Variants in FGF14 observed in about 807,000 individuals in gnomAD.
FGF14 encodes fibroblast growth factor 14, also known as fibroblast growth factor homologous factor 4.
A neutral mutation model predicts 25.5 loss-of-function variants in FGF14; 5 were observed. That is an observed-to-expected ratio of 0.20 (90% CI 0.10 to 0.41). The LOEUF (loss-of-function observed/expected upper bound fraction) is 0.41, where lower values mean the gene tolerates loss of function less well. Ranked by LOEUF, FGF14 falls within the 10% of genes least tolerant of loss-of-function variation. FGF14 has a pLI of 1.00. For synonymous variants in FGF14, 138 were observed against 118.3 expected (o/e 1.17, Z -1.08); for missense variants, 222 against 320.1 (o/e 0.69, Z 2.34).
chr13:101,824,345 G>A (rs1389527547), intron 3 of FGF14, among the ~76,000 whole-genome samples: 2 of 152,108 alleles, frequency 1.3e-5, no homozygotes, highest in African/African-American at 2.4e-5. Context: ...GCGCGTGCAC[G>A]CTTACCATTC....
intron 1 of FGF14, among the ~76,000 whole-genome samples, chr13:102,193,450 C>T (rs1167165847): frequency 3.3e-5 from 5 of 152,168 alleles, no homozygotes; most frequent in Non-Finnish European, 5.9e-5. Flanking sequence ...AGGCAACACA[C>T]ATGTGCAGGA....
chr13:102,256,669 T>A (rs374982448), intron 1 of FGF14, among the ~76,000 whole-genome samples: 29 of 152,314 alleles, frequency 1.9e-4, no homozygotes, highest in African/African-American at 6.7e-4. Flanking sequence ...AGAACTTACT[T>A]CCTCCACAAG....
chr13:101,953,647 A>T (rs111383454), intron 1 of FGF14, among the ~76,000 whole-genome samples: 2 of 150,916 alleles, frequency 1.3e-5, no homozygotes, highest in African/African-American at 4.9e-5. Context: ...CTGGAGTACA[A>T]TGGCGCAATC....
chr13:102,378,351 A>C (rs2058089404), intron 1 of FGF14, among the ~76,000 whole-genome samples: 1 of 152,204 alleles, frequency 6.6e-6, no homozygotes, highest in Non-Finnish European at 1.5e-5. Context: ...CTGTAAACCA[A>C]AAACTGCTCC....
chr13:102,013,516 A>G (rs2139815600), intron 1 of FGF14, among the ~76,000 whole-genome samples: 1 of 152,286 alleles, frequency 6.6e-6, no homozygotes, highest in African/African-American at 2.4e-5. Flanking sequence ...CTCGCTATGG[A>G]GCTGTTTAAG....
chr13:101,825,846 T>C (rs1248269292), intron 3 of FGF14, among the ~76,000 whole-genome samples: 1 of 152,102 alleles, frequency 6.6e-6, no homozygotes, highest in Non-Finnish European at 1.5e-5. Flanking sequence ...ATTAGAAGTA[T>C]CCCATGAGGA....
intron 3 of FGF14, among the ~76,000 whole-genome samples, chr13:101,834,649 A>G (rs2042835768): frequency 6.6e-6 from 1 of 152,080 alleles, no homozygotes; most frequent in South Asian, 2.1e-4. Flanking sequence ...CAGGACAATC[A>G]TTTGGGACAT....
intron 3 of FGF14, among the ~76,000 whole-genome samples, chr13:101,856,994 T>C (rs2044160043): frequency 6.6e-6 from 1 of 151,982 alleles, no homozygotes. Context: ...ATTGGAGATG[T>C]TTACATTAAC....
At chr13:102,163,419 G>T (rs1443603519) in intron 1 of FGF14, among the ~76,000 whole-genome samples, 1 of 152,122 alleles carries the variant, frequency 6.6e-6, no homozygotes, top group Non-Finnish European at 1.5e-5. Flanking sequence ...AAGCTCCAGG[G>T]TTATAAAGGT....
chr13:102,130,119 T>C (rs146656536), intron 1 of FGF14, among the ~76,000 whole-genome samples: 2 of 152,318 alleles, frequency 1.3e-5, no homozygotes, highest in Non-Finnish European at 2.9e-5. Context: ...ATTATTACTA[T>C]TGTCATTAAC....
chr13:101,740,011 G>A (rs1357186540), intron 3 of FGF14, among the ~76,000 whole-genome samples: 1 of 152,180 alleles, frequency 6.6e-6, no homozygotes, highest in Non-Finnish European at 1.5e-5. Context: ...GAAACTCCCT[G>A]CTCTGTTCTG....
At chr13:102,126,957 C>A (rs1199199226) in intron 1 of FGF14, among the ~76,000 whole-genome samples, 1 of 152,096 alleles carries the variant, frequency 6.6e-6, no homozygotes, top group African/African-American at 2.4e-5. Flanking sequence ...AGAATCAGGG[C>A]CACAATGGCT....
chr13:101,797,964 A>G (rs2040648314), intron 3 of FGF14, among the ~76,000 whole-genome samples: 1 of 152,150 alleles, frequency 6.6e-6, no homozygotes, highest in African/African-American at 2.4e-5. Flanking sequence ...AACTCATGAT[A>G]TTTATCAGTA....
chr13:102,053,284 A>G (rs555403809), intron 1 of FGF14, among the ~76,000 whole-genome samples: 4 of 152,252 alleles, frequency 2.6e-5, no homozygotes, highest in South Asian at 2.1e-4. Context: ...GAAACAGAAC[A>G]TGATCCAACA....
chr13:101,858,729 T>C (rs2044254506), intron 3 of FGF14, among the ~76,000 whole-genome samples: 1 of 152,126 alleles, frequency 6.6e-6, no homozygotes, highest in Non-Finnish European at 1.5e-5. Flanking sequence ...GTGATGTTTA[T>C]GACTTTCTTC....
At chr13:102,225,030 G>A (rs944419192) in intron 1 of FGF14, among the ~76,000 whole-genome samples, 11 of 152,104 alleles carry the variant, frequency 7.2e-5, no homozygotes, top group Admixed American at 1.3e-4. Flanking sequence ...GGTCACAGTC[G>A]CAGCCTCTCC....
chr13:101,803,803 G>A lies in FGF14; in HGVS notation c.408+64922C>T, dbSNP rs576740307. Among the ~76,000 whole-genome samples the A allele has an allele frequency of 3.0e-4, 45 of 152,240 alleles. No individual in the cohort carries two copies. The South Asian group carries it at 8.9e-3, about 30-fold the overall frequency. ...CACTGGAGGAAGCCAGGTTTTGGGC[G>A]GAAGGACACGAATTCAATCTCAGAC... On this transcript the variant is annotated intron_variant, in intron 3 of 4. Coordinates refer to ENST00000376143, the MANE Select transcript of FGF14 (RefSeq NM_004115.4).
intron 3 of FGF14, among the ~76,000 whole-genome samples, chr13:101,837,124 T>A (rs1174600344): frequency 6.6e-6 from 1 of 151,976 alleles, no homozygotes; most frequent in African/African-American, 2.4e-5. Flanking sequence ...TAGTTGCTAA[T>A]ATTTTTATTT....
chr13:102,264,070 C>T (rs2052857830), intron 1 of FGF14, among the ~76,000 whole-genome samples: 1 of 149,554 alleles, frequency 6.7e-6, no homozygotes, highest in African/African-American at 2.5e-5. Context: ...TAAAAGAATT[C>T]CTATGTACTT....
Sources: allele counts gnomAD v4.1 joint callset (sites outside exome capture counted in the v4.1 genomes callset), GRCh38; gene constraint gnomAD v4.1.1; transcripts MANE v1.5; gene names NCBI Gene and HGNC (gene_info 2026-07-23, HGNC 2026-07-21).